Variants in EGFLAM observed in about 807,000 individuals in gnomAD.
The protein encoded by EGFLAM is EGF like, fibronectin type III and laminin G domains, also known as pikachurin.
EGFLAM carries 79 observed loss-of-function variants against 113.1 expected under a neutral mutation model. That is an observed-to-expected ratio of 0.70 (90% CI 0.58 to 0.84). The LOEUF (loss-of-function observed/expected upper bound fraction) is 0.84, where lower values mean the gene tolerates loss of function less well. EGFLAM is among the 40% of genes least tolerant of loss of function. EGFLAM has a pLI of 0.00. For synonymous variants in EGFLAM, 504 were observed against 487.6 expected, an observed-to-expected ratio of 1.03 and a Z score of -0.44; for missense variants, 1,265 against 1,291.6, an observed-to-expected ratio of 0.98 and a Z score of 0.32.
chr5:38,406,087 C>A (rs376874292), intron 6 of EGFLAM, 39 bp from the exon 7 acceptor site: 60 of 1,512,850 alleles, frequency 4.0e-5, no homozygotes, highest in Non-Finnish European at 5.1e-5. Context: ...GCAAAGAAGG[C>A]CTGTGCTGAT....
At chr5:38,285,739 GA>G (rs1758145236) in intron 1 of EGFLAM, 3 of 152,486 alleles carry the variant, frequency 2.0e-5, no homozygotes, top group African/African-American at 7.2e-5. Context: ...GGCAGAAGGC[GA>G]AGCAGGCACC....
rs199758219 is a variant in EGFLAM, at chr5:38,361,638, C to T, written c.546-8658C>T. 1.4e-4 allele frequency among the ~76,000 whole-genome samples: 22 copies of T among 152,158 alleles called. No individual in the cohort carries two copies. The East Asian group carries it at 4.1e-3, about 28-fold the overall frequency. On this transcript the variant is annotated intron_variant, in intron 5 of 21. Transcript: ENST00000322350. ...GATGAACTTAAAAAAAAAAAATCAC[C>T]TCATAGTGTGTGAAGAAAGTTTACA...
At chr5:38,402,009 G>C (rs1216402387) in intron 6 of EGFLAM, 1 of 152,196 alleles carries the variant, frequency 6.6e-6, no homozygotes, top group Admixed American at 6.5e-5. Context: ...AATGTCGCTT[G>C]ATTTTGGTCT....
Position 38,417,987 on chromosome 5 carries a change from T to C in EGFLAM, c.1495-79T>C. On this transcript the variant is annotated intron_variant, in intron 11 of 21. Coordinates refer to ENST00000322350, the MANE Select transcript of EGFLAM (RefSeq NM_152403.4). ...GGCTGTCACTGACGTCTTAACCATG[T>C]CCCTCATAAAAATCTGGTGTGTTTT... 5.0e-6 allele frequency: 7 copies of C among 1,392,722 alleles called. No individual in the cohort carries two copies. In the Admixed American group the frequency reaches 1.4e-4, roughly 28 times the overall value. 86.3% of individuals were successfully genotyped at this position (1,392,722 alleles called of 1,614,324 possible). A position where few individuals can be genotyped will look rare whatever the true frequency, so the allele number is the denominator to read the frequency against.
intron 17 of EGFLAM, chr5:38,445,437 A>C (rs1192396898): frequency 1.5e-6 from 2 of 1,368,040 alleles, no homozygotes; most frequent in African/African-American, 2.9e-5. Flanking sequence ...CCCACCTTCA[A>C]TAAGCCGAGA....
At position 38,438,306 on chromosome 5, in the gene EGFLAM, A is replaced by C. The variant is rs376633900; in HGVS notation, c.2315A>C (p.Lys772Thr). 7.8e-5 allele frequency: 126 copies of C among 1,613,912 alleles called. No individual in the cohort carries two copies. The South Asian group carries it at 1.0e-3, about 13-fold the overall frequency. ...IILNDRTIHV[K>T]HDFTSGVNVE... is the part of the protein sequence containing the mutation. ...CTGAATGACCGAACCATCCATGTGA[A>C]GCATGACTTCACCTCCGGAGTGAAT... is the stretch of plus-strand genomic sequence containing the variant. The change falls in exon 17 of 22, where the codon AAG (lysine) becomes ACG (threonine). Residue 772 changes from lysine (K) to threonine (T), a missense_variant. Coordinates refer to ENST00000322350, the MANE Select transcript of EGFLAM (RefSeq NM_152403.4).
At chr5:38,329,209 A>G (rs1251569684) in intron 1 of EGFLAM, among the ~76,000 whole-genome samples, 2 of 152,082 alleles carry the variant, frequency 1.3e-5, no homozygotes, top group East Asian at 3.9e-4. Flanking sequence ...GGATCAACTG[A>G]GCCTGGGAGA....
intron 1 of EGFLAM, among the ~76,000 whole-genome samples, chr5:38,268,997 C>T (rs1023212595): frequency 6.6e-5 from 10 of 151,958 alleles, no homozygotes; most frequent in African/African-American, 1.5e-4. Flanking sequence ...GGCAACATGG[C>T]GAAACCGCAT....
At chr5:38,428,439 T>C (rs920323617) in intron 14 of EGFLAM, among the ~76,000 whole-genome samples, 1 of 152,244 alleles carries the variant, frequency 6.6e-6, no homozygotes, top group Non-Finnish European at 1.5e-5. Context: ...GTACCTCTGG[T>C]TATGCAAAAA....
intron 1 of EGFLAM, among the ~76,000 whole-genome samples, chr5:38,317,189 C>G (rs1358822607): frequency 6.6e-6 from 1 of 152,150 alleles, no homozygotes; most frequent in Non-Finnish European, 1.5e-5. Flanking sequence ...TGATACCTAC[C>G]TTGCAGAGCT....
At chr5:38,450,939 A>G (rs968821173) in intron 18 of EGFLAM, among the ~76,000 whole-genome samples, 14 of 152,196 alleles carry the variant, frequency 9.2e-5, no homozygotes, top group Admixed American at 8.5e-4. Flanking sequence ...GTGGCTGCCA[A>G]TTTGAACCTC....
intron 1 of EGFLAM, among the ~76,000 whole-genome samples, chr5:38,281,730 C>T (rs947119321): frequency 1.3e-5 from 2 of 152,128 alleles, no homozygotes; most frequent in Non-Finnish European, 2.9e-5. Flanking sequence ...ATTAACCTTC[C>T]ACATGATTTA....
chr5:38,370,538 G>C, intron 6 of EGFLAM, 76 bp downstream of exon 6: 1 of 1,510,912 alleles, frequency 6.6e-7, no homozygotes. Context: ...CACTTGACCT[G>C]GATGCCGTGC....
At chr5:38,393,006 G>A (rs1740856594) in intron 6 of EGFLAM, among the ~76,000 whole-genome samples, 1 of 152,038 alleles carries the variant, frequency 6.6e-6, no homozygotes, top group Non-Finnish European at 1.5e-5. Flanking sequence ...CCAATGTGCT[G>A]GGATTACAAG....
chr5:38,442,862 T>C (rs1428285666), intron 17 of EGFLAM, among the ~76,000 whole-genome samples: 1 of 152,174 alleles, frequency 6.6e-6, no homozygotes, highest in African/African-American at 2.4e-5. Flanking sequence ...CATGGTCATA[T>C]AAGATGTCTA....
At position 38,352,350 on chromosome 5, in the gene EGFLAM, T is replaced by C; in HGVS notation, c.545+19T>C. On this transcript the variant is annotated intron_variant, in intron 5 of 21. Transcript: ENST00000322350. ...TCATCAGGTAAGTCTGTATGTCACA[T>C]TCAAAAGCCAAATGTGTGCTGGGCG... 3 of 1,613,078 alleles carry C rather than the reference T, an allele frequency of 1.9e-6. No homozygotes were observed. In the East Asian group the frequency reaches 6.7e-5, roughly 36 times the overall value.
At chr5:38,358,182 A>C (rs998578754) in intron 5 of EGFLAM, among the ~76,000 whole-genome samples, 31 of 151,648 alleles carry the variant, frequency 2.0e-4, no homozygotes, top group African/African-American at 7.5e-4. Context: ...GTGGTGGCTC[A>C]TGCCTGTAAT....
chr5:38,402,438 C>T (rs1007632304), intron 6 of EGFLAM, among the ~76,000 whole-genome samples: 2 of 152,044 alleles, frequency 1.3e-5, no homozygotes, highest in African/African-American at 4.8e-5. Context: ...TTAACTTAAG[C>T]GATGTATGAA....
chr5:38,346,498 G>A (rs573782849), intron 3 of EGFLAM: 59 of 152,202 alleles, frequency 3.9e-4, no homozygotes, highest in African/African-American at 1.2e-3. Flanking sequence ...CCTACCTCAC[G>A]GAACTGAAGG....
Sources: allele counts gnomAD v4.1 joint callset (sites outside exome capture counted in the v4.1 genomes callset), GRCh38; gene constraint gnomAD v4.1.1; transcripts MANE v1.5; gene names NCBI Gene and HGNC (gene_info 2026-07-23, HGNC 2026-07-21).